Variants in KANSL2 observed in about 807,000 individuals in gnomAD.
KANSL2 encodes the protein NSL complex protein NSL2.
In KANSL2, 34 loss-of-function variants were observed where a neutral mutation model predicts 55.6. The observed-to-expected ratio is 0.61, with a 90% CI of 0.46 to 0.81. The LOEUF is 0.81. KANSL2 is among the 40% of genes least tolerant of loss of function. KANSL2 has a pLI of 0.00. For missense variants in KANSL2, 502 were observed against 609.9 expected (o/e 0.82, Z 1.86); for synonymous variants, 209 against 214.3 (o/e 0.98, Z 0.22).
chr12:48,656,717 C>T (rs777758097), intron 8 of KANSL2: 1 of 518,716 alleles, frequency 1.9e-6, no homozygotes, highest in Non-Finnish European at 3.8e-6. Flanking sequence ...ACAAGGAAGA[C>T]ATCACTCTTA....
At chr12:48,680,163 G>T in intron 2 of KANSL2, 1 of 191,890 alleles carries the variant, frequency 5.2e-6, no homozygotes. Context: ...TGGTTCAAGC[G>T]ATCCTCCTGC....
intron 7 of KANSL2, among the ~76,000 whole-genome samples, chr12:48,663,869 G>T (rs537598051): frequency 4.0e-5 from 6 of 150,400 alleles, no homozygotes; most frequent in Non-Finnish European, 7.4e-5. Flanking sequence ...TTGTTCAAAG[G>T]CCAACTGTAT....
rs1438455489 is a variant in KANSL2 at position 48,657,626 on chromosome 12, G to A, written c.1228-2566C>T. On this transcript the variant is annotated intron_variant, in intron 8 of 9. Coordinates refer to ENST00000420613, the MANE Select transcript of KANSL2 (RefSeq NM_017822.4). The stretch of plus-strand genomic sequence containing the variant: ...AATTTGTGTGTGTGTGTGTGCGTGC[G>A]TGTGTGTGAGACAGAGTTTCACTCT... Among the ~76,000 whole-genome samples, 4 of 151,870 alleles carry A rather than the reference G, an allele frequency of 2.6e-5. No individual in the cohort carries two copies. The East Asian group carries it at 5.9e-4, about 22-fold the overall frequency.
intron 8 of KANSL2, 85 bp downstream of exon 8, chr12:48,660,281 A>T: frequency 6.9e-7 from 1 of 1,440,612 alleles, no homozygotes; most frequent in Non-Finnish European, 9.5e-7. Context: ...GATTCTCCTA[A>T]CCACAAAGAC....
Position 48,661,859 on chromosome 12 carries a change from A to G in KANSL2, c.974-1240T>C, listed in dbSNP as rs57828215. Among the ~76,000 whole-genome samples the G allele has an allele frequency of 2.8e-3, 424 of 152,312 alleles. 5 individuals are homozygous for G. Among genetic ancestry groups the G allele is most frequent in the African/African-American group, 9.4e-3 (389 of 41,578 alleles). ...CAGTAGCACCTCCATCTGAGTTGTA[A>G]CAACCAAAAATTTCTCCACACATTG... On this transcript the variant is annotated intron_variant, in intron 7 of 9. Coordinates refer to ENST00000420613, the MANE Select transcript of KANSL2 (RefSeq NM_017822.4).
chr12:48,668,680 C>A (rs1188861722), intron 6 of KANSL2, among the ~76,000 whole-genome samples: 1 of 152,116 alleles, frequency 6.6e-6, no homozygotes, highest in African/African-American at 2.4e-5. Flanking sequence ...GCCTGGGCAA[C>A]AAGATTGAAA....
rs1204713374 is a variant in KANSL2, at chr12:48,653,631, A to T, written c.*413T>A. On this transcript the variant is annotated 3_prime_UTR_variant, in exon 10 of 10. Transcript: ENST00000420613. ...GGGGTTAAAGACTGCCCAATTAAGT[A>T]GAGGTGAAGAAAAGCTAAACTGCAG... is the stretch of plus-strand genomic sequence containing the variant. 1.3e-5 allele frequency: 2 copies of T among 155,628 alleles called. No homozygotes were observed. The highest frequency in any genetic ancestry group is 2.8e-5 in the Non-Finnish European group (2 of 70,480). 9.6% of individuals were successfully genotyped at this position (155,628 alleles called of 1,614,324 possible). A position where few individuals can be genotyped will look rare whatever the true frequency, so the allele number is the denominator to read the frequency against.
At chr12:48,656,894 G>A (rs946623737) in intron 8 of KANSL2, 8 of 364,704 alleles carry the variant, frequency 2.2e-5, no homozygotes, top group Admixed American at 3.5e-5. Context: ...CAGGAGGTTT[G>A]TACCCCCCTA....
At chr12:48,679,361 C>A (rs1316300536) in intron 3 of KANSL2, 1 of 632,186 alleles carries the variant, frequency 1.6e-6, no homozygotes. Context: ...GTAAACCATG[C>A]CCTCTCAAAC....
intron 8 of KANSL2, among the ~76,000 whole-genome samples, chr12:48,659,515 T>C (rs1392816671): frequency 6.6e-6 from 1 of 151,678 alleles, no homozygotes; most frequent in Non-Finnish European, 1.5e-5. Flanking sequence ...CCCAGCTACT[T>C]GGGAGGCTGA....
intron 6 of KANSL2, among the ~76,000 whole-genome samples, chr12:48,668,766 G>C (rs1366921203): frequency 6.6e-6 from 1 of 152,138 alleles, no homozygotes. Context: ...ACATGAACAG[G>C]CACGGTGGCT....
At chr12:48,668,585 G>A (rs960117753) in intron 6 of KANSL2, among the ~76,000 whole-genome samples, 1 of 152,144 alleles carries the variant, frequency 6.6e-6, no homozygotes, top group African/African-American at 2.4e-5. Flanking sequence ...TGTAATCCTA[G>A]CTACTCAGGA....
chr12:48,671,796 T>C lies in KANSL2; in HGVS notation c.709+3A>G. 2 of 1,605,372 alleles carry C rather than the reference T, an allele frequency of 1.2e-6. No individual in the cohort carries two copies. Among genetic ancestry groups the C allele is most frequent in the Non-Finnish European group, 1.7e-6 (2 of 1,176,180 alleles). On this transcript the variant is annotated splice_donor_region_variant and intron_variant, in intron 5 of 9. Coordinates refer to ENST00000420613, the MANE Select transcript of KANSL2 (RefSeq NM_017822.4). ...AGCTTGTTGGAACTGGCATAAAACT[T>C]GCCTAGAGCTTCATGTTCCACTTTG...
chr12:48,671,274 T>TAAAAA (rs10648260), intron 5 of KANSL2, among the ~76,000 whole-genome samples: 8,430 of 142,212 alleles, frequency 0.059, 317 homozygotes, highest in Middle Eastern at 0.078. Flanking sequence ...CCGTCTCAAT[T>TAAAAA]AAAAAAAAAA....
intron 7 of KANSL2, among the ~76,000 whole-genome samples, chr12:48,664,301 G>C (rs1939547758): frequency 6.8e-6 from 1 of 147,338 alleles, no homozygotes; most frequent in South Asian, 2.1e-4. Context: ...TTTTGACACA[G>C]AGTCTCACAT....
At chr12:48,677,956 G>A (rs746130581) in intron 4 of KANSL2, among the ~76,000 whole-genome samples, 5 of 152,084 alleles carry the variant, frequency 3.3e-5, no homozygotes, top group African/African-American at 4.8e-5. Context: ...AGAAATGGAT[G>A]AAATTATTCT....
intron 2 of KANSL2, 76 bp downstream of exon 2, chr12:48,681,306 G>T: frequency 1.3e-6 from 2 of 1,488,036 alleles, no homozygotes; most frequent in Non-Finnish European, 1.8e-6. Context: ...AAACGCGGCA[G>T]CTATGCTGAA....
At chr12:48,660,718 T>C in intron 7 of KANSL2, 99 bp from the exon 8 acceptor site, 1 of 1,174,790 alleles carries the variant, frequency 8.5e-7, no homozygotes, top group South Asian at 1.6e-5. Context: ...GTGGACTATA[T>C]AAGATAAATT....
intron 4 of KANSL2, among the ~76,000 whole-genome samples, chr12:48,675,688 T>G (rs191287805): frequency 6.6e-6 from 1 of 152,308 alleles, no homozygotes; most frequent in African/African-American, 2.4e-5. Flanking sequence ...AGAAATCATT[T>G]GGTGGGGGCA....
Sources: allele counts gnomAD v4.1 joint callset (sites outside exome capture counted in the v4.1 genomes callset), GRCh38; gene constraint gnomAD v4.1.1; transcripts MANE v1.5; gene names NCBI Gene and HGNC (gene_info 2026-07-23, HGNC 2026-07-21).